CTPS1: variants seen among roughly 807,000 people sequenced by gnomAD.
CTPS1 encodes the protein CTP synthase 1.
In CTPS1, 25 loss-of-function variants were observed where a neutral mutation model predicts 80.5. That is an observed-to-expected ratio of 0.31 (90% CI 0.23 to 0.43). The LOEUF is 0.43. Ranked by LOEUF, CTPS1 falls within the 20% of genes least tolerant of loss-of-function variation. The pLI is 1.00. For missense variants in CTPS1, 442 were observed against 725.7 expected (o/e 0.61, Z 4.49); for synonymous variants, 267 against 252.5 (o/e 1.06, Z -0.54).
chr1:41,009,084 G>A (rs368917731), intron 16 of CTPS1, among the ~76,000 whole-genome samples, 194 bp downstream of exon 16: 2 of 152,124 alleles, frequency 1.3e-5, no homozygotes, highest in Admixed American at 1.3e-4. Flanking sequence ...GGCCTTCCTC[G>A]GGGAGCCATT....
At chr1:40,997,215 C>G in intron 8 of CTPS1, 179 bp from the exon 9 acceptor site, 1 of 641,966 alleles carries the variant, frequency 1.6e-6, no homozygotes, top group South Asian at 2.1e-5. Context: ...ACTGTAACCT[C>G]CAACTCCTGG....
At chr1:40,998,493 C>A (rs1425727397) in intron 9 of CTPS1, among the ~76,000 whole-genome samples, 2 of 150,714 alleles carry the variant, frequency 1.3e-5, no homozygotes, top group Non-Finnish European at 2.9e-5. Context: ...GAGACCTAGA[C>A]AACTTACTTA....
intron 1 of CTPS1, 22 bp downstream of exon 1, chr1:40,979,851 CG>C (rs1021581524): frequency 2.6e-5 from 4 of 152,092 alleles, no homozygotes; most frequent in South Asian, 2.1e-4. Context: ...CCAGGGATCC[CG>C]GGGGGGATCT....
At chr1:41,000,983 C>G in intron 9 of CTPS1, 46 bp from the exon 10 acceptor site, 1 of 1,344,214 alleles carries the variant, frequency 7.4e-7, no homozygotes, top group Non-Finnish European at 1.0e-6. Flanking sequence ...AACGCACAGC[C>G]TGGGGTCACG....
chr1:40,995,850 G>C, intron 7 of CTPS1, 67 bp from the exon 8 acceptor site: 1 of 1,491,926 alleles, frequency 6.7e-7, no homozygotes, highest in Non-Finnish European at 9.2e-7. Context: ...AGGTCACGTA[G>C]CTAGTAGGAG....
rs1643200574 is a variant in CTPS1, at chr1:41,012,547, A to C, written c.*899A>C. On this transcript the variant is annotated 3_prime_UTR_variant, in exon 19 of 19. Transcript: ENST00000650070. ...TGTACTCTAACTTAAGAAATAAATCAGTAAGGCAGAACAAGAGACATGCTT... is the reference window on the plus strand; with the variant it reads ...TGTACTCTAACTTAAGAAATAAATCCGTAAGGCAGAACAAGAGACATGCTT... The C allele has an allele frequency of 6.6e-6, 1 of 152,220 alleles. No individual in the cohort carries two copies. Among genetic ancestry groups the C allele is most frequent in the South Asian group, 2.1e-4 (1 of 4,832 alleles). The allele number at this position is 152,220 out of a possible 1,614,324, so 9.4% of individuals were successfully genotyped here.
chr1:40,997,579 A>G lies in CTPS1; in HGVS notation c.1005+53A>G. ...AAGGATGAGCAGGGAAGCAGTCTGT[A>G]GTCTCGTAGGTGCTGTGTCATATCT... is the stretch of plus-strand genomic sequence containing the variant. On this transcript the variant is annotated intron_variant, in intron 9 of 18. Transcript: ENST00000650070. 3 of 1,593,578 alleles carry G rather than the reference A, an allele frequency of 1.9e-6. No individual in the cohort carries two copies. In the South Asian group the frequency reaches 3.4e-5, roughly 18 times the overall value.
intron 9 of CTPS1, among the ~76,000 whole-genome samples, chr1:40,998,389 C>T (rs1018487986): frequency 1.8e-5 from 2 of 112,414 alleles, no homozygotes; most frequent in African/African-American, 7.8e-5. Context: ...CAGAGTGAGA[C>T]TCTGTCTAAA....
intron 1 of CTPS1, chr1:40,981,820 TC>T: frequency 6.1e-6 from 2 of 325,432 alleles, no homozygotes; most frequent in South Asian, 5.4e-5. Flanking sequence ...GGGGAAGACT[TC>T]TGAGCATTCT....
At position 40,983,434 on chromosome 1, in the gene CTPS1, A is replaced by G; in HGVS notation, c.144A>G (p.Gly48=). 1.2e-6 allele frequency: 2 copies of G among 1,613,546 alleles called. No individual in the cohort carries two copies. The highest frequency in any genetic ancestry group is 1.7e-6 in the Non-Finnish European group (2 of 1,179,662). The change falls in exon 2 of 19, where the codon GGA becomes GGG. Residue 48 remains glycine, a synonymous_variant. Coordinates refer to ENST00000650070, the MANE Select transcript of CTPS1 (RefSeq NM_001905.4). ...ACCCCTACATTAACATTGATGCAGG[A>G]ACATTCTCTCCTTATGAGCATGGTA... ...KIDPYINIDA[G]TFSPYEHGEV...
chr1:41,005,250 G>GC (rs1337300458), intron 12 of CTPS1, among the ~76,000 whole-genome samples: 1 of 152,050 alleles, frequency 6.6e-6, no homozygotes, highest in Non-Finnish European at 1.5e-5. Flanking sequence ...TTCGAGACCA[G>GC]CCTGACCAAC....
At chr1:40,993,605 T>C (rs904215089) in intron 7 of CTPS1, among the ~76,000 whole-genome samples, 1 of 152,188 alleles carries the variant, frequency 6.6e-6, no homozygotes, top group Non-Finnish European at 1.5e-5. Context: ...TTCCAAAATG[T>C]TGAGATTACA....
At chr1:40,988,488 T>C (rs1642515715) in intron 4 of CTPS1, 106 bp from the exon 5 acceptor site, 3 of 744,128 alleles carry the variant, frequency 4.0e-6, no homozygotes, top group Admixed American at 2.0e-5. Flanking sequence ...GAGTCCGTGT[T>C]ACATAATTAC....
At chr1:41,009,150 C>G (rs369968233) in intron 16 of CTPS1, among the ~76,000 whole-genome samples, 3 of 152,244 alleles carry the variant, frequency 2.0e-5, no homozygotes, top group African/African-American at 7.2e-5. Context: ...GTACTAAAGC[C>G]ACTTCAGCCC....
intron 9 of CTPS1, among the ~76,000 whole-genome samples, chr1:41,000,118 T>A (rs1339584335): frequency 6.6e-6 from 1 of 152,254 alleles, no homozygotes; most frequent in Non-Finnish European, 1.5e-5. Flanking sequence ...TATATGATGT[T>A]CTATAAGAGG....
chr1:41,002,308 G>A (rs1268376861), intron 11 of CTPS1, 54 bp downstream of exon 11: 13 of 1,414,134 alleles, frequency 9.2e-6, no homozygotes, highest in East Asian at 4.6e-5. Flanking sequence ...AGTGGGGAAC[G>A]GTGCCACGTG....
intron 17 of CTPS1, 99 bp downstream of exon 17, chr1:41,009,688 A>C: frequency 6.8e-7 from 1 of 1,464,212 alleles, no homozygotes; most frequent in Non-Finnish European, 9.3e-7. Flanking sequence ...GTCATAAGAA[A>C]AAAAAGCCAC....
chr1:41,011,025 G>C (rs1272178105), intron 18 of CTPS1, among the ~76,000 whole-genome samples: 1 of 152,192 alleles, frequency 6.6e-6, no homozygotes, highest in African/African-American at 2.4e-5. Flanking sequence ...CCTGCCCTAA[G>C]GCCTGGGCAG....
At position 40,988,680 on chromosome 1, in the gene CTPS1, T is replaced by C. The variant is rs370799321; in HGVS notation, c.525T>C (p.Phe175=). Residue 175 remains phenylalanine (F), a synonymous_variant, in exon 5 of 19, where the codon TTT becomes TTC. Transcript: ENST00000650070. ...AATTCAAGGTCAAAAGAGAGAACTTTTGTAACATCCACGTCAGTCTAGTTC... is the reference window on the plus strand; with the variant it reads ...AATTCAAGGTCAAAAGAGAGAACTTCTGTAACATCCACGTCAGTCTAGTTC... The part of the protein sequence containing the change: ...QFQFKVKREN[F]CNIHVSLVPQ... 43 of 1,613,982 alleles carry C rather than the reference T, an allele frequency of 2.7e-5. No homozygotes were observed. Among genetic ancestry groups the C allele is most frequent in the African/African-American group, 2.1e-4 (16 of 75,046 alleles).
Sources: gnomAD v4.1 joint callset for allele counts (sites outside exome capture counted in the v4.1 genomes callset) on GRCh38, gnomAD v4.1.1 for gene constraint, MANE v1.5 for transcripts, NCBI Gene and HGNC (gene_info 2026-07-23, HGNC 2026-07-21) for gene names.